Variants in GTF2A1L observed in about 807,000 individuals in gnomAD.
GTF2A1L encodes TFIIA-alpha and beta-like factor.
A neutral mutation model predicts 49.7 loss-of-function variants in GTF2A1L; 48 were observed. The ratio of observed to expected loss-of-function variants is 0.97; its 90% confidence interval spans 0.77 to 1.23. The LOEUF is 1.23. Ranked by LOEUF, GTF2A1L falls within the 50% of genes most tolerant of loss-of-function variation. The pLI is 0.00. For synonymous variants in GTF2A1L, 246 were observed against 193.5 expected (o/e 1.27, Z -2.25); for missense variants, 736 against 564.8 (o/e 1.30, Z -3.07).
chr2:48,640,514 A>C (rs991987973), intron 3 of GTF2A1L, among the ~76,000 whole-genome samples: 1 of 151,444 alleles, frequency 6.6e-6, no homozygotes, highest in African/African-American at 2.4e-5. Context: ...AACAACAGAC[A>C]CTGGGTCTAC....
At chr2:48,640,089 A>T (rs1348466982) in intron 3 of GTF2A1L, among the ~76,000 whole-genome samples, 2 of 152,198 alleles carry the variant, frequency 1.3e-5, no homozygotes, top group Non-Finnish European at 2.9e-5. Context: ...ATACTGATAT[A>T]CTGTTGGTGG....
Position 48,669,749 on chromosome 2 carries a change from A to T in GTF2A1L, c.1006A>T (p.Ile336Phe). ...TTCTAATTCTCAGGTGGATTTAAGCATTCGGGTTACTGATGATGATATTGG... is the reference window on the plus strand; with the variant it reads ...TTCTAATTCTCAGGTGGATTTAAGCTTTCGGGTTACTGATGATGATATTGG... ...KDSNSQVDLS[I>F]RVTDDDIGEI... is the part of the protein sequence containing the mutation. The change falls in exon 7 of 9, where the codon ATT becomes TTT. Residue 336 changes from isoleucine to phenylalanine, a missense_variant. Transcript: ENST00000403751. 4.3e-6 allele frequency: 7 copies of T among 1,612,800 alleles called. No homozygotes were observed. Among genetic ancestry groups the T allele is most frequent in the Non-Finnish European group, 5.9e-6 (7 of 1,179,252 alleles).
At chr2:48,636,206 T>C (rs1490625507) in intron 3 of GTF2A1L, among the ~76,000 whole-genome samples, 1 of 152,204 alleles carries the variant, frequency 6.6e-6, no homozygotes, top group Non-Finnish European at 1.5e-5. Context: ...ATCTGCCACC[T>C]GAGGAAAAAA....
chr2:48,669,108 C>A (rs901870104), intron 6 of GTF2A1L, among the ~76,000 whole-genome samples: 1 of 152,056 alleles, frequency 6.6e-6, no homozygotes, highest in Non-Finnish European at 1.5e-5. Context: ...GTTGTACAAC[C>A]ATCCCCACTC....
chr2:48,642,901 T>G (rs1425182601), intron 4 of GTF2A1L, among the ~76,000 whole-genome samples: 1 of 151,762 alleles, frequency 6.6e-6, no homozygotes, highest in Non-Finnish European at 1.5e-5. Context: ...GGTGACAGAA[T>G]AGCATCTGTA....
intron 6 of GTF2A1L, among the ~76,000 whole-genome samples, chr2:48,657,478 C>T (rs1372316414): frequency 6.6e-6 from 1 of 152,150 alleles, no homozygotes; most frequent in Non-Finnish European, 1.5e-5. Context: ...TTATATGTAA[C>T]ACATTTTCTT....
chr2:48,656,424 A>T (rs963378920), intron 6 of GTF2A1L, among the ~76,000 whole-genome samples: 1 of 124,444 alleles, frequency 8.0e-6, no homozygotes, highest in Non-Finnish European at 1.6e-5. Flanking sequence ...TGTAGTTTTG[A>T]TATGTATTTC....
chr2:48,640,411 G>T (rs1275905895), intron 3 of GTF2A1L, among the ~76,000 whole-genome samples: 2 of 152,108 alleles, frequency 1.3e-5, no homozygotes, highest in Non-Finnish European at 2.9e-5. Flanking sequence ...GGAGCTGGAG[G>T]CTATTATCTT....
intron 6 of GTF2A1L, among the ~76,000 whole-genome samples, chr2:48,659,646 A>G (rs993670019): frequency 1.3e-5 from 2 of 151,806 alleles, no homozygotes; most frequent in African/African-American, 2.4e-5. Context: ...ATTTTCTTTC[A>G]GCAATTTTTG....
chr2:48,640,529 G>C (rs1286619583), intron 3 of GTF2A1L, among the ~76,000 whole-genome samples: 1 of 152,098 alleles, frequency 6.6e-6, no homozygotes, highest in East Asian at 1.9e-4. Context: ...GTCTACTTAA[G>C]GGTGGAGGGT....
intron 3 of GTF2A1L, among the ~76,000 whole-genome samples, chr2:48,632,048 C>T (rs765038470): frequency 5.3e-5 from 8 of 152,070 alleles, no homozygotes; most frequent in Admixed American, 2.0e-4. Context: ...TTTTTATTCT[C>T]TTGGCAATGT....
intron 4 of GTF2A1L, 67 bp downstream of exon 4, chr2:48,642,524 C>G (rs1677255667): frequency 7.1e-7 from 1 of 1,417,572 alleles, no homozygotes; most frequent in East Asian, 2.4e-5. Flanking sequence ...TGGCAAAATG[C>G]TGAACATAGA....
chr2:48,644,601 T>G (rs570201298), intron 4 of GTF2A1L, among the ~76,000 whole-genome samples: 153 of 152,298 alleles, frequency 1.0e-3, no homozygotes, highest in African/African-American at 3.6e-3. Flanking sequence ...TTGGTATATA[T>G]ATTGCAAAAA....
chr2:48,629,616 G>A (rs1262298228), intron 3 of GTF2A1L, among the ~76,000 whole-genome samples: 1 of 144,186 alleles, frequency 6.9e-6, no homozygotes, highest in Non-Finnish European at 1.6e-5. Flanking sequence ...TTAGATAGAT[G>A]TGAAGGGAGT....
intron 8 of GTF2A1L, among the ~76,000 whole-genome samples, chr2:48,674,324 G>A (rs187748673): frequency 6.6e-6 from 1 of 151,926 alleles, no homozygotes; most frequent in East Asian, 1.9e-4. Context: ...ATATCATTGC[G>A]GTTTTGATTT....
At chr2:48,660,832 G>T (rs1678453180) in intron 6 of GTF2A1L, among the ~76,000 whole-genome samples, 1 of 152,006 alleles carries the variant, frequency 6.6e-6, no homozygotes, top group African/African-American at 2.4e-5. Context: ...GTAGAGTTGG[G>T]GTTTTGCCAT....
chr2:48,649,793 T>C (rs1677745493), intron 6 of GTF2A1L, among the ~76,000 whole-genome samples: 2 of 152,188 alleles, frequency 1.3e-5, no homozygotes, highest in Non-Finnish European at 2.9e-5. Flanking sequence ...TTAATATACA[T>C]ATACAAAGCA....
intron 8 of GTF2A1L, among the ~76,000 whole-genome samples, chr2:48,673,449 G>A (rs565096176): frequency 1.8e-4 from 25 of 139,322 alleles, no homozygotes; most frequent in South Asian, 4.6e-4. Context: ...TGCAAGCTCC[G>A]CCTCCCGGGT....
intron 7 of GTF2A1L, among the ~76,000 whole-genome samples, chr2:48,670,269 C>G (rs1679096980): frequency 1.3e-5 from 2 of 151,902 alleles, no homozygotes; most frequent in African/African-American, 2.4e-5. Flanking sequence ...TGGCACATGC[C>G]TGTAAACCCA....
Sources: gnomAD v4.1 joint callset for allele counts (sites outside exome capture counted in the v4.1 genomes callset) on GRCh38, gnomAD v4.1.1 for gene constraint, MANE v1.5 for transcripts, NCBI Gene and HGNC (gene_info 2026-07-23, HGNC 2026-07-21) for gene names.